The following ERI2 variants were observed in gnomAD, a reference collection of about 807,000 sequenced individuals.
ERI2 encodes the protein ERI1 exoribonuclease 2.
Under a neutral mutation model 46.8 loss-of-function variants are expected in ERI2, and 35 were observed. The ratio of observed to expected loss-of-function variants is 0.75; its 90% confidence interval spans 0.57 to 0.99. ERI2 has a LOEUF of 0.99. Among genes scored for constraint, ERI2 ranks in the 50% least tolerant of loss-of-function variants. ERI2 has a pLI of 0.00. For synonymous variants in ERI2, 224 were observed against 271.0 expected (o/e 0.83, Z 1.70); for missense variants, 695 against 796.2 (o/e 0.87, Z 1.53).
At chr16:20,804,327 GTAGGACA>G (rs2080826957) in intron 1 of ERI2, among the ~76,000 whole-genome samples, 1 of 152,146 alleles carries the variant, frequency 6.6e-6, no homozygotes, top group African/African-American at 2.4e-5. Context: ...ACAAGACAAT[GTAGGACA>G]TGGTTCAGTC....
At chr16:20,801,480 A>C (rs1340491839) in intron 4 of ERI2, 121 bp from the exon 5 acceptor site, 1 of 1,095,356 alleles carries the variant, frequency 9.1e-7, no homozygotes, top group African/African-American at 1.6e-5. Flanking sequence ...AGTCATGAAA[A>C]CACAGTGTAC....
At position 20,796,827 on chromosome 16, in the gene ERI2, T is replaced by C; in HGVS notation, c.*897A>G. 1 of 1,602,854 alleles carries C rather than the reference T, an allele frequency of 6.2e-7. No homozygotes were observed. Among genetic ancestry groups the C allele is most frequent in the Non-Finnish European group, 8.5e-7 (1 of 1,176,896 alleles). ...AATTCATAATCAAACTGCTATATAATTGGCTTTATGTAAAGATAAAAATTT... is the reference window on the plus strand; with the variant it reads ...AATTCATAATCAAACTGCTATATAACTGGCTTTATGTAAAGATAAAAATTT... On this transcript the variant is annotated 3_prime_UTR_variant, in exon 9 of 9. Coordinates refer to ENST00000357967, the MANE Select transcript of ERI2 (RefSeq NM_001142725.2).
At chr16:20,793,835 G>C (rs948079337), downstream of ERI2, among the ~76,000 whole-genome samples, 4 of 152,182 alleles carry the variant, frequency 2.6e-5, no homozygotes, top group Admixed American at 6.5e-5. Context: ...GTCATCATCA[G>C]TTTTACCCAC....
chr16:20,806,171 C>G (rs998317717), intron 1 of ERI2: 1 of 1,397,498 alleles, frequency 7.2e-7, no homozygotes, highest in Non-Finnish European at 9.3e-7. Context: ...AGTCAAGGCC[C>G]CAGGGTTCGT....
In ERI2 at chr16:20,799,050, ATTC is replaced by A; in HGVS notation, c.747_749del (p.Lys249del). 6.6e-7 allele frequency: 1 copy of A among 1,511,024 alleles called. No individual in the cohort carries two copies. Among genetic ancestry groups the A allele is most frequent in the South Asian group, 1.3e-5 (1 of 75,754 alleles). 93.6% of individuals were successfully genotyped at this position (1,511,024 alleles called of 1,614,324 possible). On this transcript the variant is annotated inframe_deletion, in exon 9 of 9. Transcript: ENST00000357967. ...TCAAATTTCTGGCCAGAATGCTGAA[ATTC>A]TTCTTAGTGGGAACCTATGATTCCA...
chr16:20,792,554 G>C, downstream of ERI2: 1 of 985,418 alleles, frequency 1.0e-6, no homozygotes, highest in Non-Finnish European at 1.2e-6. Context: ...CTGAAAATAC[G>C]TACTAGAAAG....
intron 10 of ERI2, chr16:20,781,694 T>C: frequency 6.2e-7 from 1 of 1,603,374 alleles, no homozygotes; most frequent in Non-Finnish European, 8.5e-7. Flanking sequence ...GAGTTTGCTT[T>C]TTCTAAATTG....
chr16:20,802,526 C>G (rs1317558385), intron 4 of ERI2, among the ~76,000 whole-genome samples: 1 of 151,846 alleles, frequency 6.6e-6, no homozygotes, highest in Non-Finnish European at 1.5e-5. Flanking sequence ...CTCAGCCTCC[C>G]AAGAAGCTGG....
chr16:20,800,058 A>G lies in ERI2; in HGVS notation c.562-20T>C. 6.9e-7 allele frequency: 1 copy of G among 1,441,344 alleles called. No individual in the cohort carries two copies. Among genetic ancestry groups the G allele is most frequent in the South Asian group, 1.2e-5 (1 of 82,496 alleles). 89.3% of individuals were successfully genotyped at this position (1,441,344 alleles called of 1,614,324 possible). ...GAAAAGCTAACCAATAAAAAAAGAT[A>G]TATTTAAAAGAAGATTACTATTTTA... On this transcript the variant is annotated intron_variant, in intron 6 of 8. Coordinates refer to ENST00000357967, the MANE Select transcript of ERI2 (RefSeq NM_001142725.2).
intron 10 of ERI2, chr16:20,784,955 A>T (rs1236629942): frequency 6.3e-7 from 1 of 1,593,324 alleles, no homozygotes; most frequent in South Asian, 1.1e-5. Flanking sequence ...TTTTCCTCCT[A>T]AATCTAACTT....
chr16:20,789,965 C>T (rs376469852), intron 9 of ERI2, among the ~76,000 whole-genome samples: 70 of 152,082 alleles, frequency 4.6e-4, no homozygotes, highest in East Asian at 2.5e-3. Context: ...TGAGCCACTG[C>T]GCCCAGCCAG....
rs61740834 is a variant in ERI2 at position 20,798,169 on chromosome 16, G to A, written c.1631C>T (p.Pro544Leu). 2.6e-4 allele frequency: 411 copies of A among 1,551,508 alleles called. 3 individuals carry two copies. The African/African-American group carries it at 4.4e-3, about 17-fold the overall frequency. ...RNPCSPQAFP[P>L]AKKQPFTIHE... ...AATAGTGAAGGGTTGTTTTTTTGCT[G>A]GTGGGAAAGCTTGGGGACTGCATGG... The change falls in exon 9 of 9, where the codon CCA (proline) becomes CTA (leucine). Residue 544 changes from proline (P) to leucine (L), a missense_variant. Coordinates refer to ENST00000357967, the MANE Select transcript of ERI2 (RefSeq NM_001142725.2).
chr16:20,803,780 T>C, intron 1 of ERI2, 110 bp from the exon 2 acceptor site: 3 of 1,332,208 alleles, frequency 2.3e-6, no homozygotes, highest in Non-Finnish European at 2.1e-6. Flanking sequence ...TTATTGTGAC[T>C]GAGGGGAAAT....
In ERI2 at chr16:20,798,003, A is replaced by G. The variant is rs991518433; in HGVS notation, c.1797T>C (p.Cys599=). The G allele has an allele frequency of 1.9e-6, 3 of 1,551,828 alleles. No individual in the cohort carries two copies. In the African/African-American group the frequency reaches 4.1e-5, roughly 21 times the overall value. ...SGKMTPPLCK[C]GRRSKRLVVS... is the part of the protein sequence containing the mutation. ...CAACAAGTCTCTTAGATCTCCGACC[A>G]CACTTGCATAATGGAGGTGTCATTT... Residue 599 remains cysteine (C), a synonymous_variant, in exon 9 of 9, where the codon TGT becomes TGC. Transcript: ENST00000357967.
Position 20,797,012 on chromosome 16 carries a change from G to GT in ERI2, c.*711dup, listed in dbSNP as rs1286736928. 6.3e-7 allele frequency: 1 copy of GT among 1,598,588 alleles called. No individual in the cohort carries two copies. Among genetic ancestry groups the GT allele is most frequent in the African/African-American group, 1.4e-5 (1 of 73,992 alleles). ...TTACCATATCTATAAAACAAACATA[G>GT]TATCTGTCAATCTCTAGAAACCACA... is the stretch of plus-strand genomic sequence containing the variant. On this transcript the variant is annotated 3_prime_UTR_variant, in exon 9 of 9. Coordinates refer to ENST00000357967, the MANE Select transcript of ERI2 (RefSeq NM_001142725.2).
chr16:20,791,033 AAG>A (rs2080585877), intron 8 of ERI2: 1 of 1,284,438 alleles, frequency 7.8e-7, no homozygotes, highest in East Asian at 2.4e-5. Context: ...TCTTTTCGGG[AAG>A]AGTGAGAGGG....
At position 20,796,616 on chromosome 16, in the gene ERI2, A is replaced by G; in HGVS notation, c.*1108T>C. 1 of 1,528,194 alleles carries G rather than the reference A, an allele frequency of 6.5e-7. No individual in the cohort carries two copies. 94.7% of individuals were successfully genotyped at this position (1,528,194 alleles called of 1,614,324 possible). On this transcript the variant is annotated 3_prime_UTR_variant, in exon 9 of 9. Coordinates refer to ENST00000357967, the MANE Select transcript of ERI2 (RefSeq NM_001142725.2). ...ACATGTCCCAAACTGAACTGATGAC[A>G]TATGGGTAAGAATCAGAATCTTTGA...
rs1394224927 is a variant in ERI2, at chr16:20,798,517, G to A, written c.1283C>T (p.Pro428Leu). 6.4e-7 allele frequency: 1 copy of A among 1,551,366 alleles called. No individual in the cohort carries two copies. The highest frequency in any genetic ancestry group is 8.7e-7 in the Non-Finnish European group (1 of 1,146,884). Residue 428 changes from proline (P) to leucine (L), a missense_variant, in exon 9 of 9, where the codon CCC (proline) becomes CTC (leucine). Physicochemically the swap from Pro to Leu is moderately conservative, Grantham distance 98 (BLOSUM62 -3). Coordinates refer to ENST00000357967, the MANE Select transcript of ERI2 (RefSeq NM_001142725.2). Reference sequence around the variant, plus strand: ...AATCTCTAAGTCTGAGTCACTAATGGGAACTGTACAGTCTACGTTTTCCTC... The same window carrying A: ...AATCTCTAAGTCTGAGTCACTAATGAGAACTGTACAGTCTACGTTTTCCTC... ...QPEENVDCTVPISDSDLEISF... is the reference protein window; with the variant it reads ...QPEENVDCTVLISDSDLEISF...
In ERI2 at chr16:20,797,528, C is replaced by T. The variant is rs895011746; in HGVS notation, c.*196G>A. The T allele has an allele frequency of 1.7e-6, 2 of 1,193,190 alleles. No individual in the cohort carries two copies. The highest frequency in any genetic ancestry group is 3.2e-5 in the African/African-American group (2 of 63,202). The allele number at this position is 1,193,190 out of a possible 1,614,324, so 73.9% of individuals were successfully genotyped here. On this transcript the variant is annotated 3_prime_UTR_variant, in exon 9 of 9. Coordinates refer to ENST00000357967, the MANE Select transcript of ERI2 (RefSeq NM_001142725.2). Reference sequence around the variant, plus strand: ...CAAGGTCTAACTATAAAAGAAGGATCATATACTATTGTTGCTTATTATATG... The same window carrying T: ...CAAGGTCTAACTATAAAAGAAGGATTATATACTATTGTTGCTTATTATATG...
Sources: gnomAD v4.1 joint callset for allele counts (sites outside exome capture counted in the v4.1 genomes callset) on GRCh38, gnomAD v4.1.1 for gene constraint, MANE v1.5 for transcripts, NCBI Gene and HGNC (gene_info 2026-07-23, HGNC 2026-07-21) for gene names.